ZNF710: variants seen among roughly 807,000 people sequenced by gnomAD.
ZNF710 encodes the protein zinc finger protein 710.
ZNF710 carries 13 observed loss-of-function variants against 50.6 expected under a neutral mutation model. That is an observed-to-expected ratio of 0.26 (90% CI 0.17 to 0.41). The LOEUF (loss-of-function observed/expected upper bound fraction) is 0.41, where lower values mean the gene tolerates loss of function less well. Among genes scored for constraint, ZNF710 ranks in the 10% least tolerant of loss-of-function variants. ZNF710 has a pLI of 1.00. For synonymous variants in ZNF710, 383 were observed against 397.0 expected (o/e 0.96, Z 0.42); for missense variants, 721 against 936.6 (o/e 0.77, Z 3.01).
At chr15:90,070,745 G>C (rs908722955) in intron 2 of ZNF710, among the ~76,000 whole-genome samples, 1 of 152,280 alleles carries the variant, frequency 6.6e-6, no homozygotes, top group Admixed American at 6.5e-5. Context: ...CTTGAGCCCA[G>C]GAGGTCAAGG....
At chr15:90,072,169 C>T (rs1900411453) in intron 2 of ZNF710, among the ~76,000 whole-genome samples, 1 of 152,186 alleles carries the variant, frequency 6.6e-6, no homozygotes, top group African/African-American at 2.4e-5. Context: ...GCACACAACA[C>T]CCTGTCCTGC....
chr15:89,999,311 G>A (rs985735055), upstream of ZNF710, among the ~76,000 whole-genome samples: 1 of 152,226 alleles, frequency 6.6e-6, no homozygotes, highest in Admixed American at 6.5e-5. Flanking sequence ...CAAGGACTGC[G>A]TCTTGCTGAT....
chr15:90,020,951 G>A (rs1159490145), intron 1 of ZNF710, among the ~76,000 whole-genome samples: 2 of 151,720 alleles, frequency 1.3e-5, no homozygotes, highest in African/African-American at 4.9e-5. Flanking sequence ...GATAGTGTTG[G>A]ACCCACCAAG....
chr15:90,071,723 A>G (rs1231088824), intron 2 of ZNF710, among the ~76,000 whole-genome samples: 2 of 149,416 alleles, frequency 1.3e-5, no homozygotes, highest in Non-Finnish European at 3.0e-5. Flanking sequence ...CTGTCACCCA[A>G]GCTGGAGTGC....
chr15:90,042,913 C>T (rs182975341), intron 1 of ZNF710, among the ~76,000 whole-genome samples: 11 of 152,368 alleles, frequency 7.2e-5, no homozygotes, highest in African/African-American at 2.6e-4. Context: ...GATGTGAGAA[C>T]ACGCCTCAAC....
At chr15:90,073,634 C>T (rs1900472687) in intron 3 of ZNF710, among the ~76,000 whole-genome samples, 1 of 152,102 alleles carries the variant, frequency 6.6e-6, no homozygotes, top group Non-Finnish European at 1.5e-5. Flanking sequence ...TGGCTTGTGT[C>T]CCTGTCTCTC....
At chr15:90,061,856 C>A (rs1370840399) in intron 1 of ZNF710, among the ~76,000 whole-genome samples, 2 of 152,160 alleles carry the variant, frequency 1.3e-5, no homozygotes, top group Non-Finnish European at 2.9e-5. Context: ...GGTGGAGGAG[C>A]CAGGCGACTT....
rs1348667928 is a variant in ZNF710 at position 90,040,442 on chromosome 15, C to CA, written c.-28-26667dup. Among the ~76,000 whole-genome samples, 1 of 152,190 alleles carries CA rather than the reference C, an allele frequency of 6.6e-6. No individual in the cohort carries two copies. Among genetic ancestry groups the CA allele is most frequent in the African/African-American group, 2.4e-5 (1 of 41,442 alleles). The stretch of plus-strand genomic sequence containing the variant: ...CACCCAAATGTGTCACCTTGGGCAG[C>CA]AGCTCCCTGAATTCTGTTCTTTCTT... On this transcript the variant is annotated intron_variant, in intron 1 of 4. Transcript: ENST00000268154. The surrounding 1 kb of genome is among the most constrained non-coding windows in gnomAD (Gnocchi z 4.6).
At chr15:90,019,225 C>T (rs1483218891) in intron 1 of ZNF710, among the ~76,000 whole-genome samples, 1 of 105,110 alleles carries the variant, frequency 9.5e-6, no homozygotes, top group Non-Finnish European at 1.8e-5. Flanking sequence ...TACTTTACAA[C>T]ATGTGATTAA....
rs113570075 is a variant in ZNF710 at position 90,059,077 on chromosome 15, C to T, written c.-28-8033C>T. On this transcript the variant is annotated intron_variant, in intron 1 of 4. Transcript: ENST00000268154. This position sits in a 1 kb window ranked among gnomAD's most constrained non-coding sequence, Gnocchi z 4.1. Reference sequence around the variant, plus strand: ...CCAAGATGACGCATATGATTTACCACGACAGTGATGGTCTCAGGCTGAGAG... The same window carrying T: ...CCAAGATGACGCATATGATTTACCATGACAGTGATGGTCTCAGGCTGAGAG... 5.8e-4 allele frequency among the ~76,000 whole-genome samples: 89 copies of T among 152,334 alleles called. 1 individual carries two copies. The East Asian group carries it at 0.014, about 23-fold the overall frequency.
intron 1 of ZNF710, among the ~76,000 whole-genome samples, chr15:90,009,442 C>A (rs552731976): frequency 3.3e-5 from 5 of 152,124 alleles, no homozygotes; most frequent in Non-Finnish European, 5.9e-5. Context: ...CTTGCCATTA[C>A]CCAGAAGCAG....
chr15:90,008,012 A>C (rs965066771), intron 1 of ZNF710, among the ~76,000 whole-genome samples: 2 of 152,016 alleles, frequency 1.3e-5, no homozygotes, highest in Non-Finnish European at 2.9e-5. Flanking sequence ...GCTAAATTAA[A>C]AATTCTAGAA....
intron 1 of ZNF710, among the ~76,000 whole-genome samples, chr15:90,048,062 T>C (rs896140692): frequency 2.6e-5 from 4 of 152,210 alleles, no homozygotes; most frequent in Admixed American, 6.5e-5. Flanking sequence ...AATGACACAC[T>C]GTGCTGAAAG....
At position 90,073,056 on chromosome 15, in the gene ZNF710, C is replaced by A. The variant is rs1266853239; in HGVS notation, c.1459-15C>A. 2 of 1,608,740 alleles carry A rather than the reference C, an allele frequency of 1.2e-6. No homozygotes were observed. The highest frequency in any genetic ancestry group is 2.2e-5 in the East Asian group (1 of 44,758). ...GCCCATTGTGTGGCCCTGACCATCA[C>A]CCCCCACCCCACAGGGCGTGAAGGA... On this transcript the variant is annotated splice_polypyrimidine_tract_variant and intron_variant, in intron 2 of 4. Transcript: ENST00000268154.
At chr15:90,006,019 G>C (rs1186577777) in intron 1 of ZNF710, among the ~76,000 whole-genome samples, 1 of 152,066 alleles carries the variant, frequency 6.6e-6, no homozygotes, top group African/African-American at 2.4e-5. Flanking sequence ...CCAAAGAGTT[G>C]GGCGTTCAGC....
At chr15:90,026,358 A>G (rs1596273504) in intron 1 of ZNF710, among the ~76,000 whole-genome samples, 1 of 152,098 alleles carries the variant, frequency 6.6e-6, no homozygotes, top group Non-Finnish European at 1.5e-5. Flanking sequence ...AATCATAGGC[A>G]TAATTTCAAA....
intron 1 of ZNF710, among the ~76,000 whole-genome samples, chr15:90,029,334 C>T (rs982675216): frequency 2.0e-5 from 3 of 152,200 alleles, no homozygotes; most frequent in Non-Finnish European, 4.4e-5. Context: ...CCTGGTCCAA[C>T]CTAAAAGGTC....
intron 1 of ZNF710, among the ~76,000 whole-genome samples, chr15:90,032,719 A>C (rs1320165043): frequency 6.7e-6 from 1 of 149,402 alleles, no homozygotes; most frequent in Non-Finnish European, 1.5e-5. Context: ...CAGAGGTTGC[A>C]GTGAGCTGAG....
chr15:90,070,532 T>G (rs1038019584), intron 2 of ZNF710, among the ~76,000 whole-genome samples: 14 of 151,826 alleles, frequency 9.2e-5, no homozygotes, highest in East Asian at 5.8e-4. Flanking sequence ...TAAAAATAGC[T>G]GAGTGTGGTG....
Sources: allele counts gnomAD v4.1 joint callset (sites outside exome capture counted in the v4.1 genomes callset), GRCh38; gene constraint gnomAD v4.1.1; non-coding constraint Gnocchi (gnomAD v3.1); transcripts MANE v1.5; gene names NCBI Gene and HGNC (gene_info 2026-07-23, HGNC 2026-07-21).